The following NHS variants were observed in gnomAD, a reference collection of about 807,000 sequenced individuals.
NHS encodes the protein NHS actin remodeling regulator, also known as actin remodeling regulator NHS.
Under a neutral mutation model 72.5 loss-of-function variants are expected in NHS, and 5 were observed. The observed-to-expected ratio is 0.07, with a 90% CI of 0.04 to 0.14. The LOEUF (loss-of-function observed/expected upper bound fraction) is 0.14. Ranked by LOEUF, NHS falls within the 10% of genes least tolerant of loss-of-function variation. The pLI is 1.00. For missense variants in NHS, 1,072 were observed against 1,355.7 expected (o/e 0.79, Z 3.29); for synonymous variants, 464 against 547.7 (o/e 0.85, Z 2.13).
At chrX:17,539,027 C>T (rs1311067953) in intron 1 of NHS, among the ~76,000 whole-genome samples, 1 of 112,453 alleles carries the variant, frequency 8.9e-6, no homozygotes, top group East Asian at 2.8e-4. Context: ...GGCACATGCC[C>T]TCTACCCACA....
intron 1 of NHS, among the ~76,000 whole-genome samples, chrX:17,580,412 A>G (rs2065537336): frequency 8.9e-6 from 1 of 112,214 alleles, no homozygotes. Context: ...TGAACAAAGC[A>G]GAGAAAGTCC....
intron 1 of NHS, among the ~76,000 whole-genome samples, chrX:17,497,232 C>G (rs1191951345): frequency 9.0e-6 from 1 of 111,599 alleles, no homozygotes; most frequent in Non-Finnish European, 1.9e-5. Flanking sequence ...CAACTAATGC[C>G]TTGGAGTTTT....
intron 1 of NHS, chrX:17,635,646 G>A (rs1247948911): frequency 5.3e-6 from 6 of 1,130,517 alleles, no homozygotes; most frequent in Middle Eastern, 2.4e-4. Context: ...AGGGGAGGGG[G>A]AGGCTGGGTC....
intron 1 of NHS, among the ~76,000 whole-genome samples, chrX:17,666,972 G>A (rs757337140): frequency 4.5e-5 from 5 of 112,115 alleles, no homozygotes; most frequent in Non-Finnish European, 9.4e-5. Context: ...TGGGAAATAT[G>A]GATGTGGAAT....
intron 1 of NHS, among the ~76,000 whole-genome samples, chrX:17,501,959 G>A (rs1250641606): frequency 8.9e-6 from 1 of 112,082 alleles, no homozygotes; most frequent in Non-Finnish European, 1.9e-5. Flanking sequence ...TCCCCATGGG[G>A]TTACTTCTGA....
rs113053639 is a variant in NHS, at chrX:17,444,669, C to G, written c.565+68347C>G. On this transcript the variant is annotated intron_variant, in intron 1 of 8. Coordinates refer to ENST00000676302, the MANE Select transcript of NHS (RefSeq NM_001291867.2). ...ATTGCAATGCCTGGTTTGTAGTTGGCTGGGAGGATTTGGGGAGGCAACCCT... is the reference window on the plus strand; with the variant it reads ...ATTGCAATGCCTGGTTTGTAGTTGGGTGGGAGGATTTGGGGAGGCAACCCT... Among the ~76,000 whole-genome samples, 196 of 111,322 alleles carry G rather than the reference C, an allele frequency of 1.8e-3. 3 individuals carry two copies. Among genetic ancestry groups the G allele is most frequent in the African/African-American group, 6.0e-3 (185 of 30,627 alleles).
intron 1 of NHS, among the ~76,000 whole-genome samples, chrX:17,574,466 T>TGTCTATCTC (rs1259943176): frequency 1.7e-4 from 19 of 112,436 alleles, no homozygotes; most frequent in Non-Finnish European, 2.8e-4. Context: ...AATGCTGTGC[T>TGTCTATCTC]AGCAGCGAGC....
intron 1 of NHS, among the ~76,000 whole-genome samples, chrX:17,632,348 C>T (rs1486749471): frequency 9.1e-6 from 1 of 110,367 alleles, no homozygotes; most frequent in Non-Finnish European, 1.9e-5. Flanking sequence ...CTATTTCATC[C>T]TGTCCATTTT....
At chrX:17,581,443 G>T (rs971349027) in intron 1 of NHS, among the ~76,000 whole-genome samples, 4 of 111,444 alleles carry the variant, frequency 3.6e-5, no homozygotes, top group African/African-American at 1.3e-4. Context: ...AGACACAGGG[G>T]CCACTGCAGA....
At chrX:17,539,083 A>C (rs1163859956) in intron 1 of NHS, among the ~76,000 whole-genome samples, 1 of 112,243 alleles carries the variant, frequency 8.9e-6, no homozygotes, top group East Asian at 2.8e-4. Context: ...TTCTCACTGC[A>C]TCCCCACTGC....
chrX:17,605,053 T>A (rs2065672457), intron 1 of NHS, among the ~76,000 whole-genome samples: 1 of 111,785 alleles, frequency 8.9e-6, no homozygotes, highest in African/African-American at 3.3e-5. Context: ...GACAACATCG[T>A]GGATATTCTC....
intron 1 of NHS, among the ~76,000 whole-genome samples, chrX:17,566,512 C>A (rs2065444439): frequency 9.0e-6 from 1 of 111,316 alleles, no homozygotes; most frequent in Non-Finnish European, 1.9e-5. Flanking sequence ...CAGCTCATAG[C>A]GCAGGGTTTG....
intron 1 of NHS, among the ~76,000 whole-genome samples, chrX:17,458,677 G>C (rs960004065): frequency 5.4e-5 from 6 of 111,179 alleles, no homozygotes; most frequent in African/African-American, 2.0e-4. Context: ...ATTTTTATTA[G>C]AGTTGGGGTT....
At chrX:17,589,824 T>C (rs1464682668) in intron 1 of NHS, among the ~76,000 whole-genome samples, 1 of 111,948 alleles carries the variant, frequency 8.9e-6, no homozygotes, top group Non-Finnish European at 1.9e-5. Context: ...CTGTTTTCAC[T>C]GCATCCATGC....
Position 17,386,442 on chromosome X carries a change from C to CT in NHS, c.565+10122dup, listed in dbSNP as rs765212424. Among the ~76,000 whole-genome samples the CT allele has an allele frequency of 6.5e-3, 715 of 110,680 alleles. 5 individuals carry two copies. Among genetic ancestry groups the CT allele is most frequent in the Middle Eastern group, 0.023 (5 of 217 alleles). On this transcript the variant is annotated intron_variant, in intron 1 of 8. Coordinates refer to ENST00000676302, the MANE Select transcript of NHS (RefSeq NM_001291867.2). ...TTGGGAGGCTGAAGCAGGTGGATCA[C>CT]TTGAGGTCAGGAGTTCAAGACCAGC...
chrX:17,560,535 G>A (rs1433881235), intron 1 of NHS, among the ~76,000 whole-genome samples: 1 of 112,236 alleles, frequency 8.9e-6, no homozygotes, highest in Non-Finnish European at 1.9e-5. Flanking sequence ...GTACATCATT[G>A]CCACCTTGAA....
At chrX:17,613,183 C>T (rs952121010) in intron 1 of NHS, among the ~76,000 whole-genome samples, 3 of 110,603 alleles carry the variant, frequency 2.7e-5, no homozygotes, top group Non-Finnish European at 3.8e-5. Flanking sequence ...GACCAGCCTG[C>T]CCAACATGGT....
chrX:17,727,556 A>G lies in NHS; in HGVS notation c.3450A>G (p.Glu1150=). 1 of 1,212,023 alleles carries G rather than the reference A, an allele frequency of 8.3e-7. No individual in the cohort carries two copies. Among genetic ancestry groups the G allele is most frequent in the East Asian group, 3.0e-5 (1 of 33,865 alleles). The part of the protein sequence containing the change: ...SVNLRSINKS[E]EVKQKEENNT... ...ACCTTAGGTCCATCAACAAGTCTGA[A>G]GAAGTTAAGCAAAAAGAAGAAAACA... The change falls in exon 7 of 9, where the codon GAA becomes GAG. Residue 1150 remains glutamate (E), a synonymous_variant. Transcript: ENST00000676302.
intron 1 of NHS, among the ~76,000 whole-genome samples, chrX:17,445,498 G>A (rs890318722): frequency 2.7e-5 from 3 of 110,797 alleles, no homozygotes; most frequent in Non-Finnish European, 5.7e-5. Flanking sequence ...ATGTTGTTGT[G>A]TGTAGCTGCA....
Sources: gnomAD v4.1 joint callset for allele counts (sites outside exome capture counted in the v4.1 genomes callset) on GRCh38, gnomAD v4.1.1 for gene constraint, MANE v1.5 for transcripts, NCBI Gene and HGNC (gene_info 2026-07-23, HGNC 2026-07-21) for gene names.